VDAC1: variants seen among roughly 807,000 people sequenced by gnomAD.
VDAC1 encodes the protein non-selective voltage-gated ion channel VDAC1.
In VDAC1, 10 loss-of-function variants were observed where a neutral mutation model predicts 34.7. That is an observed-to-expected ratio of 0.29 (90% CI 0.18 to 0.49). VDAC1 has a LOEUF of 0.49. Ranked by LOEUF, VDAC1 falls within the 20% of genes least tolerant of loss-of-function variation. The pLI, the probability that VDAC1 is intolerant of heterozygous loss-of-function variation, is 0.99. For missense variants in VDAC1, 230 were observed against 347.9 expected, an observed-to-expected ratio of 0.66 and a Z score of 2.69; for synonymous variants, 130 against 136.0, an observed-to-expected ratio of 0.96 and a Z score of 0.30.
chr5:133,991,754 A>AG (rs1753112314), intron 3 of VDAC1, among the ~76,000 whole-genome samples: 1 of 152,182 alleles, frequency 6.6e-6, no homozygotes, highest in East Asian at 1.9e-4. Flanking sequence ...TAAAAAAAAA[A>AG]AAGTACCTTC....
chr5:133,988,263 T>C (rs577215001), intron 5 of VDAC1, among the ~76,000 whole-genome samples: 2 of 151,904 alleles, frequency 1.3e-5, no homozygotes, highest in African/African-American at 4.8e-5. Flanking sequence ...TTTCTAAGTA[T>C]AAAATTATTT....
the VDAC1 span, among the ~76,000 whole-genome samples, chr5:134,113,212 C>T: frequency 6.6e-6 from 1 of 152,206 alleles, no homozygotes; most frequent in Non-Finnish European, 1.5e-5. Flanking sequence ...GGCAGGGTCC[C>T]CCTCATCTCC....
the VDAC1 span, among the ~76,000 whole-genome samples, chr5:134,082,270 A>G: frequency 0.022 from 3,289 of 152,272 alleles, 114 homozygotes; most frequent in African/African-American, 0.075. Flanking sequence ...CTTTCTGTCA[A>G]TATAGATTCC....
At chr5:134,099,024 C>T in the VDAC1 span, among the ~76,000 whole-genome samples, 33 of 152,266 alleles carry the variant, frequency 2.2e-4, no homozygotes, top group African/African-American at 7.7e-4. Flanking sequence ...TGGGGCTGCA[C>T]AAATACTGGG....
At chr5:134,067,871 A>G in the VDAC1 span, among the ~76,000 whole-genome samples, 2 of 152,138 alleles carry the variant, frequency 1.3e-5, no homozygotes, top group African/African-American at 4.8e-5. Context: ...TAATCCCAGC[A>G]CTTTGGGAGG....
chr5:134,087,335 A>G, the VDAC1 span, among the ~76,000 whole-genome samples: 3 of 151,976 alleles, frequency 2.0e-5, no homozygotes, highest in South Asian at 6.2e-4. Context: ...CTCACCTGAA[A>G]GGTCCGGGGA....
chr5:134,008,912 G>A (rs968434547), upstream of VDAC1, among the ~76,000 whole-genome samples: 15 of 152,156 alleles, frequency 9.9e-5, no homozygotes, highest in East Asian at 5.8e-4. Context: ...TCAAGATGGC[G>A]TGTTTGTGGT....
the VDAC1 span, among the ~76,000 whole-genome samples, chr5:134,062,202 G>T: frequency 0.65 from 98,406 of 151,212 alleles, 32,946 homozygotes; most frequent in East Asian, 0.8. Context: ...GGCTAGGATG[G>T]TCTTGATCTC....
At chr5:134,108,514 C>A in the VDAC1 span, among the ~76,000 whole-genome samples, 1 of 152,172 alleles carries the variant, frequency 6.6e-6, no homozygotes, top group Non-Finnish European at 1.5e-5. Context: ...TCCCCTACTA[C>A]CCCTGTTGTC....
At chr5:134,039,464 G>A in the VDAC1 span, among the ~76,000 whole-genome samples, 6 of 152,128 alleles carry the variant, frequency 3.9e-5, no homozygotes, top group Non-Finnish European at 7.3e-5. Context: ...GAGTAGCTGG[G>A]ACTACAGGCT....
chr5:134,041,263 G>A, the VDAC1 span, among the ~76,000 whole-genome samples: 3 of 152,314 alleles, frequency 2.0e-5, 1 homozygote, highest in South Asian at 6.2e-4. Flanking sequence ...CTTTCTTTGG[G>A]GGATGTCAGA....
intron 5 of VDAC1, among the ~76,000 whole-genome samples, chr5:133,985,834 C>T (rs1314354485): frequency 6.6e-6 from 1 of 152,164 alleles, no homozygotes; most frequent in African/African-American, 2.4e-5. Context: ...TAACCATCTC[C>T]TTTTTCAATT....
the VDAC1 span, among the ~76,000 whole-genome samples, chr5:134,055,822 A>G: frequency 6.6e-6 from 1 of 151,872 alleles, no homozygotes; most frequent in African/African-American, 2.4e-5. Context: ...CATTATCTCA[A>G]TTGTTATCAG....
At chr5:134,032,976 T>C in the VDAC1 span, among the ~76,000 whole-genome samples, 1 of 151,480 alleles carries the variant, frequency 6.6e-6, no homozygotes, top group Admixed American at 6.6e-5. Flanking sequence ...AAGGCTATGA[T>C]TGTACCTCTG....
intron 7 of VDAC1, among the ~76,000 whole-genome samples, 186 bp from the exon 8 acceptor site, chr5:133,974,034 G>A (rs1162085036): frequency 6.6e-6 from 1 of 152,122 alleles, no homozygotes; most frequent in Non-Finnish European, 1.5e-5. Flanking sequence ...ATACCTTTCT[G>A]TTCAAAGGGT....
chr5:134,069,558 G>A, the VDAC1 span, among the ~76,000 whole-genome samples: 3 of 152,110 alleles, frequency 2.0e-5, no homozygotes, highest in Non-Finnish European at 4.4e-5. Flanking sequence ...GAATGGCATC[G>A]AAGAAAGGTT....
At chr5:134,000,043 G>A (rs777322001) in intron 1 of VDAC1, among the ~76,000 whole-genome samples, 7 of 152,110 alleles carry the variant, frequency 4.6e-5, no homozygotes, top group Non-Finnish European at 8.8e-5. Flanking sequence ...TTCCCCAGCA[G>A]AAGGCAACCC....
chr5:134,009,591 T>C (rs1169238476), upstream of VDAC1, among the ~76,000 whole-genome samples: 3 of 151,928 alleles, frequency 2.0e-5, no homozygotes, highest in Non-Finnish European at 4.4e-5. Flanking sequence ...GAAACATAAT[T>C]ATTAAGTTGT....
chr5:133,980,293 T>C (rs981026681), intron 6 of VDAC1, among the ~76,000 whole-genome samples: 2 of 152,218 alleles, frequency 1.3e-5, no homozygotes, highest in Non-Finnish European at 2.9e-5. Flanking sequence ...ACAGAGAAGA[T>C]AGTTTGTAAC....
Sources: allele counts gnomAD v4.1 joint callset (sites outside exome capture counted in the v4.1 genomes callset), GRCh38; gene constraint gnomAD v4.1.1; transcripts MANE v1.5; gene names NCBI Gene and HGNC (gene_info 2026-07-23, HGNC 2026-07-21).